The following UBAP2L variants were observed in gnomAD, a reference collection of about 807,000 sequenced individuals.
The protein encoded by UBAP2L is ubiquitin-associated protein 2-like.
Under a neutral mutation model 130.6 loss-of-function variants are expected in UBAP2L, and 12 were observed. The observed-to-expected ratio is 0.09, with a 90% CI of 0.06 to 0.15. UBAP2L has a LOEUF of 0.15. Among genes scored for constraint, UBAP2L ranks in the 10% least tolerant of loss-of-function variants. The pLI, the probability that UBAP2L is intolerant of heterozygous loss-of-function variation, is 1.00. For missense variants in UBAP2L, 965 were observed against 1,332.5 expected, an observed-to-expected ratio of 0.72 and a Z score of 4.29; for synonymous variants, 503 against 524.7, an observed-to-expected ratio of 0.96 and a Z score of 0.57.
chr1:154,270,685 A>G lies in UBAP2L; in HGVS notation c.*390A>G. 1 of 1,413,260 alleles carries G rather than the reference A, an allele frequency of 7.1e-7. No individual in the cohort carries two copies. Among genetic ancestry groups the G allele is most frequent in the Non-Finnish European group, 9.2e-7 (1 of 1,090,576 alleles). 87.5% of individuals were successfully genotyped at this position (1,413,260 alleles called of 1,614,324 possible). ...TAAGTCTCCTTCTTTATTATTAGGA[A>G]AACAACAACAACAACAAACAAAAAA... is the stretch of plus-strand genomic sequence containing the variant. On this transcript the variant is annotated 3_prime_UTR_variant, in exon 27 of 27. Coordinates refer to ENST00000428931, the MANE Select transcript of UBAP2L (RefSeq NM_014847.4).
chr1:154,228,751 G>C, intron 4 of UBAP2L, 26 bp downstream of exon 4: 1 of 1,552,498 alleles, frequency 6.4e-7, no homozygotes, highest in Non-Finnish European at 8.8e-7. Context: ...AGTGTTCTAG[G>C]ACATGGGTCC....
Position 154,270,232 on chromosome 1 carries a change from C to T in UBAP2L, c.3201C>T (p.Ser1067=), listed in dbSNP as rs1252761719. 6 of 1,612,726 alleles carry T rather than the reference C, an allele frequency of 3.7e-6. No individual in the cohort carries two copies. The highest frequency in any genetic ancestry group is 5.1e-6 in the Non-Finnish European group (6 of 1,179,356). ...GCGGGCAACGTAGCCAGACCAGCTC[C>T]ATCCCGCAGAAGCCCCAGACCAACA... ...TGSGQRSQTS[S]IPQKPQTNKS... is the part of the protein sequence containing the mutation. The change falls in exon 27 of 27, where the codon TCC becomes TCT. Residue 1067 remains serine, a synonymous_variant. Coordinates refer to ENST00000428931, the MANE Select transcript of UBAP2L (RefSeq NM_014847.4).
At chr1:154,221,017 G>A (rs879033489) in intron 1 of UBAP2L, 42 bp downstream of exon 1, 7 of 204,600 alleles carry the variant, frequency 3.4e-5, no homozygotes, top group South Asian at 3.3e-4. Context: ...GGCGGCGGCG[G>A]CAGCGGCAGC....
intron 20 of UBAP2L, 129 bp downstream of exon 20, chr1:154,257,563 G>A (rs1417864733): frequency 4.3e-6 from 4 of 924,662 alleles, no homozygotes; most frequent in Non-Finnish European, 6.6e-6. Flanking sequence ...AGTTGGCTCT[G>A]TGGAATCCAT....
chr1:154,249,487 G>T (rs1009035733), intron 12 of UBAP2L, 50 bp downstream of exon 12: 17 of 1,607,888 alleles, frequency 1.1e-5, no homozygotes, highest in African/African-American at 1.3e-5. Flanking sequence ...GAGCATTACT[G>T]TCAAGAGGCT....
At position 154,227,284 on chromosome 1, in the gene UBAP2L, C is replaced by T. The variant is rs761549983; in HGVS notation, c.93C>T (p.Ala31=). ...CTTGATCTCATCTCAATTCCTAGGC[C>T]ACTGCAGAACAAATTAGACTTGCAC... ...NQTQHKQRPQ[A]TAEQIRLAQM... is the part of the protein sequence containing the mutation. Residue 31 remains alanine, a splice_region_variant and synonymous_variant, in exon 3 of 27, where the codon GCC becomes GCT. Transcript: ENST00000428931. The T allele has an allele frequency of 6.2e-7, 1 of 1,613,286 alleles. No homozygotes were observed. Among genetic ancestry groups the T allele is most frequent in the Non-Finnish European group, 8.5e-7 (1 of 1,179,512 alleles).
At chr1:154,245,950 T>G (rs1675330198) in intron 10 of UBAP2L, among the ~76,000 whole-genome samples, 1 of 152,194 alleles carries the variant, frequency 6.6e-6, no homozygotes, top group South Asian at 2.1e-4. Flanking sequence ...ATTTGATATT[T>G]CATTAAATTA....
chr1:154,263,342 G>A, intron 24 of UBAP2L: 1 of 1,422,080 alleles, frequency 7.0e-7, no homozygotes, highest in Non-Finnish European at 9.1e-7. Flanking sequence ...TCTCCCCCAT[G>A]TGTCTGACCC....
At chr1:154,271,155 GGA>G, downstream of UBAP2L, 3 of 546,252 alleles carry the variant, frequency 5.5e-6, no homozygotes, top group South Asian at 7.3e-5. Context: ...GGCAGTAAAG[GGA>G]GAGGGATAGA....
chr1:154,230,347 C>T (rs932764629), intron 4 of UBAP2L, among the ~76,000 whole-genome samples: 6 of 152,158 alleles, frequency 3.9e-5, no homozygotes, highest in African/African-American at 1.4e-4. Context: ...GTCACTCCAG[C>T]TAAATGCAGG....
Position 154,268,902 on chromosome 1 carries a change from A to C in UBAP2L, c.3116A>C (p.His1039Pro). 1 of 1,580,510 alleles carries C rather than the reference A, an allele frequency of 6.3e-7. No individual in the cohort carries two copies. The highest frequency in any genetic ancestry group is 8.6e-7 in the Non-Finnish European group (1 of 1,161,912). The change falls in exon 26 of 27, where the codon CAT becomes CCT. Residue 1039 changes from histidine to proline, a missense_variant. By Grantham distance (77) the His-to-Pro change is moderately conservative. Coordinates refer to ENST00000428931, the MANE Select transcript of UBAP2L (RefSeq NM_014847.4). The part of the protein sequence containing the change: ...PAPFMHILTP[H>P]QQPHSQILHH... The stretch of plus-strand genomic sequence containing the variant: ...CCCTTTATGCACATTCTGACCCCCC[A>C]TCAGCAGCCGCATTCTCAGATCCTT...
Position 154,257,332 on chromosome 1 carries a change from A to G in UBAP2L, c.2354-14A>G. On this transcript the variant is annotated splice_polypyrimidine_tract_variant and intron_variant, in intron 19 of 26. Coordinates refer to ENST00000428931, the MANE Select transcript of UBAP2L (RefSeq NM_014847.4). ...TAATTGTGTGATGGGATAAAAATGT[A>G]ATTTCTCTTTTAGGAAAAGCTCCTC... is the stretch of plus-strand genomic sequence containing the variant. 1 of 1,614,158 alleles carries G rather than the reference A, an allele frequency of 6.2e-7. No individual in the cohort carries two copies. The highest frequency in any genetic ancestry group is 8.5e-7 in the Non-Finnish European group (1 of 1,180,016).
At position 154,227,237 on chromosome 1, in the gene UBAP2L, T is replaced by C. The variant is rs1287516835; in HGVS notation, c.91-45T>C. The C allele has an allele frequency of 2.6e-6, 4 of 1,547,686 alleles. No individual in the cohort carries two copies. The Admixed American group carries it at 5.0e-5, about 19-fold the overall frequency. On this transcript the variant is annotated intron_variant, in intron 2 of 26. Coordinates refer to ENST00000428931, the MANE Select transcript of UBAP2L (RefSeq NM_014847.4). ...CGAAATAGGTTCCTGTTCTCTAAAC[T>C]GTTGCCTCATGATTATGCTTTCTTG...
At chr1:154,259,775 G>A (rs1680923958) in intron 21 of UBAP2L, 173 bp from the exon 22 acceptor site, 1 of 783,418 alleles carries the variant, frequency 1.3e-6, no homozygotes, top group Non-Finnish European at 2.3e-6. Context: ...CAGGCAGGGG[G>A]GACAGTGTAT....
Position 154,255,154 on chromosome 1 carries a change from G to A in UBAP2L, c.1912G>A (p.Ala638Thr). 1.2e-6 allele frequency: 2 copies of A among 1,613,818 alleles called. No individual in the cohort carries two copies. Among genetic ancestry groups the A allele is most frequent in the Non-Finnish European group, 1.7e-6 (2 of 1,179,884 alleles). ...QLQTTQSVEG[A>T]TGSAVKSDSP... ...ATTCCTTTCTTCTAAATTTCTAGGT[G>A]CTACAGGCTCTGCAGTGAAATCTGA... Residue 638 changes from alanine (A) to threonine (T), a missense_variant and splice_region_variant, in exon 17 of 27, where the codon GCT becomes ACT. Around this residue, in one of 9 missense-constraint regions of UBAP2L, gnomAD observed 393 missense variants for 408.1 expected, o/e 0.96. Transcript: ENST00000428931.
intron 9 of UBAP2L, 69 bp downstream of exon 9, chr1:154,241,634 G>C (rs1673671295): frequency 2.5e-6 from 4 of 1,596,202 alleles, no homozygotes; most frequent in Non-Finnish European, 3.4e-6. Flanking sequence ...ATAGAAAATG[G>C]GTATGTTTCT....
intron 25 of UBAP2L, 25 bp downstream of exon 25, chr1:154,266,593 G>C (rs1175969674): frequency 1.2e-6 from 2 of 1,610,258 alleles, no homozygotes; most frequent in Admixed American, 1.7e-5. Flanking sequence ...CTGGATAAAA[G>C]TGGAAAAGAG....
downstream of UBAP2L, chr1:154,271,115 C>T: frequency 1.5e-6 from 1 of 661,050 alleles, no homozygotes; most frequent in Non-Finnish European, 2.5e-6. Flanking sequence ...TCATTTCCTC[C>T]AGAAACTGCT....
chr1:154,227,032 A>T (rs1668171300), intron 2 of UBAP2L, among the ~76,000 whole-genome samples: 1 of 152,214 alleles, frequency 6.6e-6, no homozygotes, highest in African/African-American at 2.4e-5. Flanking sequence ...CATGTTGGCC[A>T]GGCTGGTCTC....
Sources: gnomAD v4.1 joint callset for allele counts (sites outside exome capture counted in the v4.1 genomes callset) on GRCh38, gnomAD v4.1.1 for gene constraint, gnomAD v4.1.1 regional missense constraint, MANE v1.5 for transcripts, NCBI Gene and HGNC (gene_info 2026-07-23, HGNC 2026-07-21) for gene names.